The following RBFOX1 variants were observed in gnomAD, a reference collection of about 807,000 sequenced individuals.
RBFOX1 encodes the protein RNA binding protein fox-1 homolog 1.
RBFOX1 carries 8 observed loss-of-function variants against 57.7 expected under a neutral mutation model. That is an observed-to-expected ratio of 0.14 (90% CI 0.08 to 0.25). The LOEUF (loss-of-function observed/expected upper bound fraction) is 0.25. RBFOX1 is among the 10% of genes least tolerant of loss of function. The pLI, the probability that RBFOX1 is intolerant of heterozygous loss-of-function variation, is 1.00. For missense variants in RBFOX1, 611 were observed against 548.5 expected (o/e 1.11, Z -1.14); for synonymous variants, 326 against 222.4 (o/e 1.47, Z -4.15).
chr16:6,700,103 C>T (rs984987761), intron 3 of RBFOX1, among the ~76,000 whole-genome samples: 35 of 152,068 alleles, frequency 2.3e-4, no homozygotes, highest in African/African-American at 8.2e-4. Flanking sequence ...CCTGAATAAA[C>T]CAGGTGGGTA....
rs920194092 is a variant in RBFOX1 at position 5,720,754 on chromosome 16, T to C, written c.318+121793T>C. 2.6e-5 allele frequency among the ~76,000 whole-genome samples: 4 copies of C among 152,260 alleles called. No individual in the cohort carries two copies. The East Asian group carries it at 7.7e-4, about 29-fold the overall frequency. ...ACTTATTCGTAAATAAAAGGATTTA[T>C]TTATGGACTCTCAGTTCTAGTCCAT... On this transcript the variant is annotated intron_variant, in intron 3 of 19. Coordinates refer to the RBFOX1 transcript ENST00000641259.
At chr16:6,483,578 C>T (rs1338421679) in intron 2 of RBFOX1, 5 of 1,529,338 alleles carry the variant, frequency 3.3e-6, no homozygotes, top group Non-Finnish European at 4.4e-6. Context: ...AAAACACTGT[C>T]AGGGAAGGAG....
chr16:7,662,196 C>T (rs2067938592), intron 12 of RBFOX1, among the ~76,000 whole-genome samples: 1 of 152,166 alleles, frequency 6.6e-6, no homozygotes, highest in Admixed American at 6.5e-5. Context: ...GAGGTTCCAC[C>T]ATTGAGATCT....
chr16:7,207,994 C>T (rs1420677088), intron 4 of RBFOX1, among the ~76,000 whole-genome samples: 7 of 152,118 alleles, frequency 4.6e-5, no homozygotes, highest in African/African-American at 2.4e-5. Context: ...AGTGGGGTTT[C>T]TTTTTTCCAT....
intron 1 of RBFOX1, among the ~76,000 whole-genome samples, chr16:5,361,370 A>G (rs1403901475): frequency 6.6e-6 from 1 of 152,238 alleles, no homozygotes; most frequent in Admixed American, 6.5e-5. Flanking sequence ...CTAGGTTATA[A>G]GAAGTGCTAA....
At chr16:7,107,548 G>A (rs1450230657) in intron 4 of RBFOX1, among the ~76,000 whole-genome samples, 1 of 152,008 alleles carries the variant, frequency 6.6e-6, no homozygotes, top group African/African-American at 2.4e-5. Context: ...GTGCATACCT[G>A]ACAAACTTGA....
intron 3 of RBFOX1, among the ~76,000 whole-genome samples, chr16:6,861,800 T>C (rs1230292389): frequency 6.7e-6 from 1 of 149,244 alleles, no homozygotes; most frequent in Non-Finnish European, 1.5e-5. Context: ...ACACTCCCCC[T>C]CTTTCCTAGC....
intron 1 of RBFOX1, among the ~76,000 whole-genome samples, chr16:5,352,176 C>T (rs768893080): frequency 1.2e-4 from 19 of 152,108 alleles, no homozygotes; most frequent in Middle Eastern, 3.2e-3. Context: ...ATTTATTCAG[C>T]GGATGCTGCT....
intron 2 of RBFOX1, among the ~76,000 whole-genome samples, chr16:6,450,811 A>ACATATATATG (rs1567303317): frequency 8.3e-5 from 2 of 24,104 alleles, no homozygotes; most frequent in African/African-American, 4.8e-4. Context: ...GTATATATAT[A>ACATATATATG]TATATACATA....
intron 2 of RBFOX1, among the ~76,000 whole-genome samples, chr16:6,644,842 A>G (rs1007023767): frequency 1.8e-4 from 28 of 152,184 alleles, no homozygotes; most frequent in South Asian, 2.1e-4. Flanking sequence ...CCTCTGGACC[A>G]CAGTTATCTT....
chr16:6,779,147 C>A (rs1403517505), intron 3 of RBFOX1, among the ~76,000 whole-genome samples: 1 of 151,864 alleles, frequency 6.6e-6, no homozygotes, highest in African/African-American at 2.4e-5. Flanking sequence ...ATGAATTTAC[C>A]TACTTCTAAC....
At chr16:7,236,552 A>G (rs1203224981) in intron 4 of RBFOX1, among the ~76,000 whole-genome samples, 3 of 152,134 alleles carry the variant, frequency 2.0e-5, no homozygotes, top group Admixed American at 2.0e-4. Flanking sequence ...TGTTTTGGTA[A>G]TTACTGTCAG....
chr16:6,358,228 T>A (rs541971165), intron 2 of RBFOX1, among the ~76,000 whole-genome samples: 91 of 152,316 alleles, frequency 6.0e-4, no homozygotes, highest in African/African-American at 2.1e-3. Flanking sequence ...AAAAATTAAA[T>A]GTATCAACCC....
In RBFOX1 at chr16:7,179,425, A is replaced by C. The variant is rs925121929; in HGVS notation, c.27+127327A>C. On this transcript the variant is annotated intron_variant, in intron 4 of 15. Transcript: ENST00000550418. Reference sequence around the variant, plus strand: ...TTCCATCTCTCTCAATGATGTGTCCAATCTCCACAATTTGTCTGGCCTCCT... The same window carrying C: ...TTCCATCTCTCTCAATGATGTGTCCCATCTCCACAATTTGTCTGGCCTCCT... Among the ~76,000 whole-genome samples the C allele has an allele frequency of 2.0e-5, 3 of 152,118 alleles. No individual in the cohort carries two copies. The East Asian group carries it at 5.8e-4, about 29-fold the overall frequency.
At chr16:7,151,748 T>G (rs955180918) in intron 4 of RBFOX1, among the ~76,000 whole-genome samples, 1 of 152,066 alleles carries the variant, frequency 6.6e-6, no homozygotes, top group African/African-American at 2.4e-5. Flanking sequence ...TTCCTGCAAC[T>G]AGACAGTCCC....
chr16:7,183,958 A>G (rs147171709), intron 4 of RBFOX1, among the ~76,000 whole-genome samples: 206 of 152,300 alleles, frequency 1.4e-3, no homozygotes, highest in African/African-American at 4.8e-3. Context: ...TTCAGACTGC[A>G]ATGATGACGT....
chr16:7,471,566 T>A (rs2034414768), intron 4 of RBFOX1, among the ~76,000 whole-genome samples: 1 of 152,122 alleles, frequency 6.6e-6, no homozygotes, highest in African/African-American at 2.4e-5. Context: ...TCAAAAAAAA[T>A]GAGTCCTGCT....
intron 4 of RBFOX1, among the ~76,000 whole-genome samples, chr16:5,948,710 G>T (rs12924038): frequency 0.61 from 92,276 of 151,996 alleles, 29,608 homozygotes; most frequent in African/African-American, 0.82. Flanking sequence ...CCTCAGAGCC[G>T]CAGGATGGAA....
intron 1 of RBFOX1, among the ~76,000 whole-genome samples, chr16:6,176,580 T>C (rs1261134746): frequency 1.3e-5 from 2 of 152,100 alleles, no homozygotes; most frequent in Non-Finnish European, 2.9e-5. Flanking sequence ...CATGTTTGCA[T>C]CCCAAAAGAC....
Sources: allele counts gnomAD v4.1 joint callset (sites outside exome capture counted in the v4.1 genomes callset), GRCh38; gene constraint gnomAD v4.1.1; transcripts MANE v1.5; gene names NCBI Gene and HGNC (gene_info 2026-07-23, HGNC 2026-07-21).